Variants in RBFOX1 observed in about 807,000 individuals in gnomAD.
RBFOX1 encodes RNA binding protein fox-1 homolog 1.
Under a neutral mutation model 57.7 loss-of-function variants are expected in RBFOX1, and 8 were observed. That is an observed-to-expected ratio of 0.14 (90% confidence interval 0.08 to 0.25). The LOEUF (loss-of-function observed/expected upper bound fraction) is 0.25. RBFOX1 is among the 10% of genes least tolerant of loss of function. The pLI is 1.00. For missense variants in RBFOX1, 611 were observed against 548.5 expected, an observed-to-expected ratio of 1.11 and a Z score of -1.14; for synonymous variants, 326 against 222.4, an observed-to-expected ratio of 1.47 and a Z score of -4.15.
intron 2 of RBFOX1, among the ~76,000 whole-genome samples, chr16:6,631,004 C>A (rs550552039): frequency 1.3e-5 from 2 of 152,244 alleles, no homozygotes; most frequent in South Asian, 4.1e-4. Flanking sequence ...TTGGACCTAA[C>A]TCCTTGGTTG....
At chr16:7,563,758 G>C (rs1335442483) in intron 5 of RBFOX1, among the ~76,000 whole-genome samples, 3 of 151,932 alleles carry the variant, frequency 2.0e-5, no homozygotes, top group Non-Finnish European at 4.4e-5. Flanking sequence ...CTGAGCCACC[G>C]CACCCACTCT....
intron 3 of RBFOX1, among the ~76,000 whole-genome samples, chr16:6,983,251 T>C (rs1421871337): frequency 1.3e-5 from 2 of 152,096 alleles, no homozygotes; most frequent in African/African-American, 4.8e-5. Flanking sequence ...CAGAGCTACT[T>C]GGAATCACTA....
chr16:5,353,486 C>G (rs758507422), intron 1 of RBFOX1, among the ~76,000 whole-genome samples: 2 of 151,960 alleles, frequency 1.3e-5, no homozygotes, highest in African/African-American at 4.8e-5. Flanking sequence ...CAGTCCAGTT[C>G]AGATATTTGG....
At chr16:7,681,178 A>G (rs1316739820) in intron 14 of RBFOX1, among the ~76,000 whole-genome samples, 2 of 152,216 alleles carry the variant, frequency 1.3e-5, no homozygotes, top group African/African-American at 4.8e-5. Flanking sequence ...TTTAAGTGAC[A>G]GAGATAGACA....
chr16:6,949,130 A>G (rs139865564), intron 3 of RBFOX1, among the ~76,000 whole-genome samples: 467 of 152,226 alleles, frequency 3.1e-3, no homozygotes, highest in Non-Finnish European at 4.9e-3. Context: ...TAAAACATGG[A>G]TAGGGATATG....
At chr16:5,894,171 C>T (rs533870743) in intron 4 of RBFOX1, among the ~76,000 whole-genome samples, 5 of 152,252 alleles carry the variant, frequency 3.3e-5, no homozygotes, top group South Asian at 2.1e-4. Context: ...CTATTTTCCC[C>T]GGTGTTCCCT....
intron 3 of RBFOX1, among the ~76,000 whole-genome samples, chr16:6,805,357 A>C (rs1395222641): frequency 6.6e-6 from 1 of 152,184 alleles, no homozygotes; most frequent in Non-Finnish European, 1.5e-5. Flanking sequence ...ATGGACACAC[A>C]GAGGGGAACA....
At chr16:6,130,484 T>C (rs2096621939) in intron 1 of RBFOX1, among the ~76,000 whole-genome samples, 1 of 152,018 alleles carries the variant, frequency 6.6e-6, no homozygotes, top group Admixed American at 6.6e-5. Context: ...ATGAAACATA[T>C]GGATGTGAAA....
chr16:6,329,258 A>C lies in RBFOX1; in HGVS notation c.-64+12201A>C, dbSNP rs77429681. ...GTTTTGCTTATGGGCCAGGCTGTGT[A>C]CTAAGAAGTTTACAAGCATCACCTC... On this transcript the variant is annotated intron_variant, in intron 2 of 15. Coordinates refer to ENST00000550418, the MANE Select transcript of RBFOX1 (RefSeq NM_018723.4). 3.6e-3 allele frequency among the ~76,000 whole-genome samples: 546 copies of C among 152,308 alleles called. 6 individuals carry two copies. In the East Asian group the frequency reaches 0.04, roughly 11 times the overall value.
intron 1 of RBFOX1, among the ~76,000 whole-genome samples, chr16:6,114,087 AT>A (rs2096473931): frequency 6.6e-6 from 1 of 152,148 alleles, no homozygotes; most frequent in African/African-American, 2.4e-5. Flanking sequence ...GTATGTTCTC[AT>A]TATTTTTTTT....
At chr16:5,779,288 T>C (rs373741630) in intron 3 of RBFOX1, among the ~76,000 whole-genome samples, 1 of 152,220 alleles carries the variant, frequency 6.6e-6, no homozygotes, top group African/African-American at 2.4e-5. Flanking sequence ...TGAATTTAAA[T>C]TGTGAAAAGT....
chr16:6,759,109 A>G (rs1156510983), intron 3 of RBFOX1, among the ~76,000 whole-genome samples: 1 of 151,940 alleles, frequency 6.6e-6, no homozygotes, highest in African/African-American at 2.4e-5. Flanking sequence ...TAAAGTTGAA[A>G]TGGAGTAGAA....
At position 7,390,455 on chromosome 16, in the gene RBFOX1, C is replaced by G. The variant is rs78260552; in HGVS notation, c.28-127692C>G. 1.2e-3 allele frequency among the ~76,000 whole-genome samples: 189 copies of G among 152,330 alleles called. 6 individuals are homozygous for G. The East Asian group carries it at 0.033, about 26-fold the overall frequency. On this transcript the variant is annotated intron_variant, in intron 4 of 15. Transcript: ENST00000550418. ...AAGTTTCAGTTGCAGGGACCTTACT[C>G]ACATCTTCTAACCTCTCAAAGCCTT...
chr16:7,056,269 G>C (rs953071965), intron 4 of RBFOX1, among the ~76,000 whole-genome samples: 1 of 152,162 alleles, frequency 6.6e-6, no homozygotes, highest in Non-Finnish European at 1.5e-5. Context: ...TCGCTCGGTT[G>C]TTACGCACAC....
intron 1 of RBFOX1, among the ~76,000 whole-genome samples, chr16:6,181,663 A>G (rs949094354): frequency 6.6e-6 from 1 of 152,210 alleles, no homozygotes; most frequent in African/African-American, 2.4e-5. Flanking sequence ...TCACATTAGA[A>G]GTCTTACGTG....
rs368804870 is a variant in RBFOX1, at chr16:6,287,869, C to G, written c.-126-29126C>G. Reference sequence around the variant, plus strand: ...AGATCTTTAGGAAATACTGGTAGAACTTCACATCTTCAGATAAGCTTTTCA... The same window carrying G: ...AGATCTTTAGGAAATACTGGTAGAAGTTCACATCTTCAGATAAGCTTTTCA... On this transcript the variant is annotated intron_variant, in intron 1 of 15. Transcript: ENST00000550418. 2.0e-4 allele frequency among the ~76,000 whole-genome samples: 30 copies of G among 152,272 alleles called. No individual in the cohort carries two copies. In the East Asian group the frequency reaches 4.6e-3, roughly 23 times the overall value.
At chr16:7,348,734 G>T (rs943722951) in intron 4 of RBFOX1, among the ~76,000 whole-genome samples, 2 of 152,172 alleles carry the variant, frequency 1.3e-5, no homozygotes, top group African/African-American at 4.8e-5. Flanking sequence ...CTGAGGTCAG[G>T]AGTTCAAGAC....
At chr16:5,912,639 T>C (rs576981631) in intron 4 of RBFOX1, among the ~76,000 whole-genome samples, 36 of 152,368 alleles carry the variant, frequency 2.4e-4, no homozygotes, top group African/African-American at 8.2e-4. Flanking sequence ...GATAAAAGTA[T>C]AATTATTTCC....
At chr16:5,873,041 C>T (rs1597587693) in intron 4 of RBFOX1, among the ~76,000 whole-genome samples, 1 of 151,938 alleles carries the variant, frequency 6.6e-6, no homozygotes, top group African/African-American at 2.4e-5. Context: ...GTCCTAGCTA[C>T]TTGGGAGGCT....
Sources: gnomAD v4.1 joint callset for allele counts (sites outside exome capture counted in the v4.1 genomes callset) on GRCh38, gnomAD v4.1.1 for gene constraint, MANE v1.5 for transcripts, NCBI Gene and HGNC (gene_info 2026-07-23, HGNC 2026-07-21) for gene names.